The following EBF3 variants were observed in gnomAD, a reference collection of about 807,000 sequenced individuals.
The protein encoded by EBF3 is EBF transcription factor 3, also known as transcription factor COE3.
EBF3 carries 18 observed loss-of-function variants against 77.1 expected under a neutral mutation model. The ratio of observed to expected loss-of-function variants is 0.23; its 90% CI spans 0.16 to 0.35. EBF3 has a LOEUF of 0.35. EBF3 is among the 10% of genes least tolerant of loss of function. EBF3 has a pLI of 1.00. For synonymous variants in EBF3, 350 were observed against 343.5 expected (o/e 1.02, Z -0.21); for missense variants, 558 against 860.0 (o/e 0.65, Z 4.39).
At chr10:129,855,328 A>G (rs929954761) in intron 10 of EBF3, among the ~76,000 whole-genome samples, 6 of 152,226 alleles carry the variant, frequency 3.9e-5, no homozygotes, top group Admixed American at 3.9e-4. Context: ...CAGGCACAGA[A>G]AAGGGGACAG....
At chr10:129,881,748 C>T (rs76026726) in intron 6 of EBF3, among the ~76,000 whole-genome samples, 1,649 of 152,258 alleles carry the variant, frequency 0.011, 22 homozygotes, top group Admixed American at 0.018. Context: ...GGGGCACAGT[C>T]GGGCCCTGTG....
At chr10:129,868,202 T>C (rs1398919940) in intron 8 of EBF3, among the ~76,000 whole-genome samples, 3 of 152,264 alleles carry the variant, frequency 2.0e-5, no homozygotes, top group Non-Finnish European at 4.4e-5. Flanking sequence ...TGATTAAGCA[T>C]TGCATGCATG....
intron 6 of EBF3, among the ~76,000 whole-genome samples, chr10:129,925,264 T>G: frequency 9.2e-5 from 13 of 140,548 alleles, no homozygotes; most frequent in Admixed American, 2.2e-4. Context: ...AGGGTGGGGG[T>G]GCAAGGAGAA....
In EBF3 at chr10:129,885,088, A is replaced by G. The variant is rs550793261; in HGVS notation, c.555-7239T>C. Reference sequence around the variant, plus strand: ...CGTCCCTCCAAAGAGCCTTATCGCTAAATTTCTGCTATAATGGTTTTTCTT... The same window carrying G: ...CGTCCCTCCAAAGAGCCTTATCGCTGAATTTCTGCTATAATGGTTTTTCTT... On this transcript the variant is annotated intron_variant, in intron 6 of 16. Coordinates refer to ENST00000440978, the MANE Select transcript of EBF3 (RefSeq NM_001375380.1). The surrounding 1 kb of genome is among the most constrained non-coding windows in gnomAD (Gnocchi z 4.0). 6.6e-6 allele frequency among the ~76,000 whole-genome samples: 1 copy of G among 152,324 alleles called. No individual in the cohort carries two copies. The highest frequency in any genetic ancestry group is 2.4e-5 in the African/African-American group (1 of 41,568).
intron 6 of EBF3, among the ~76,000 whole-genome samples, chr10:129,956,756 A>T (rs1236730049): frequency 6.6e-6 from 1 of 152,198 alleles, no homozygotes; most frequent in Non-Finnish European, 1.5e-5. Context: ...TTGCTACTTG[A>T]CATAAAACGA....
chr10:129,842,364 C>T lies in EBF3; in HGVS notation c.1195-71G>A, dbSNP rs1055962991. The T allele has an allele frequency of 2.9e-5, 43 of 1,505,742 alleles. No homozygotes were observed. Among genetic ancestry groups the T allele is most frequent in the Non-Finnish European group, 3.7e-5 (42 of 1,128,972 alleles). The allele number at this position is 1,505,742 out of a possible 1,614,324, so 93.3% of individuals were successfully genotyped here. A position where few individuals can be genotyped will look rare whatever the true frequency, so the allele number is the denominator to read the frequency against. ...CCCAGCTGGCCGCACTCTCGGGGGC[C>T]CACCATGGTGGCATCCCACTGTCCC... On this transcript the variant is annotated intron_variant, in intron 12 of 16. Coordinates refer to ENST00000440978, the MANE Select transcript of EBF3 (RefSeq NM_001375380.1). This position sits in a 1 kb window ranked among gnomAD's most constrained non-coding sequence, Gnocchi z 4.4.
intron 6 of EBF3, among the ~76,000 whole-genome samples, chr10:129,945,120 TGAAGGGAGGGGCAGGGA>T: frequency 1.1e-4 from 1 of 9,442 alleles, no homozygotes; most frequent in South Asian, 8.3e-3. Flanking sequence ...GGGGGGGAGG[TGAAGGGAGGGGCAGGGA>T]GGGGAGGGGA....
chr10:129,889,052 C>T (rs1258823068), intron 6 of EBF3, among the ~76,000 whole-genome samples: 1 of 152,198 alleles, frequency 6.6e-6, no homozygotes, highest in Non-Finnish European at 1.5e-5. Flanking sequence ...GTGCAACTTT[C>T]CAAGAGCTCA....
intron 6 of EBF3, among the ~76,000 whole-genome samples, chr10:129,951,915 A>G (rs945796975): frequency 1.3e-5 from 2 of 152,246 alleles, no homozygotes; most frequent in African/African-American, 4.8e-5. Flanking sequence ...GGAAAAATTG[A>G]AAGGATGAAT....
intron 10 of EBF3, among the ~76,000 whole-genome samples, chr10:129,862,713 T>C (rs960918078): frequency 3.3e-5 from 5 of 152,252 alleles, no homozygotes; most frequent in Non-Finnish European, 5.9e-5. Flanking sequence ...CTTGAAAACA[T>C]GTCTATGAAA....
rs1850028301 is a variant in EBF3 at position 129,841,217 on chromosome 10, C to T, written c.1373-185G>A. Among the ~76,000 whole-genome samples the T allele has an allele frequency of 6.6e-6, 1 of 152,176 alleles. No individual in the cohort carries two copies. Among genetic ancestry groups the T allele is most frequent in the African/African-American group, 2.4e-5 (1 of 41,426 alleles). On this transcript the variant is annotated intron_variant, in intron 13 of 16. Coordinates refer to ENST00000440978, the MANE Select transcript of EBF3 (RefSeq NM_001375380.1). The surrounding 1 kb of genome is among the most constrained non-coding windows in gnomAD (Gnocchi z 4.6). ...GCCAACCCTGCTGCCACTGTCTCAC[C>T]GTGAGCCCCATCCTGTCTCTGCTGG...
chr10:129,881,582 C>T (rs908241468), intron 6 of EBF3, among the ~76,000 whole-genome samples: 2 of 152,156 alleles, frequency 1.3e-5, no homozygotes, highest in South Asian at 4.1e-4. Flanking sequence ...GATCTTATTA[C>T]TTTTGAAATG....
Position 129,963,245 on chromosome 10 carries a change from G to A in EBF3, c.291+122C>T. 13 of 1,379,556 alleles carry A rather than the reference G, an allele frequency of 9.4e-6. No individual in the cohort carries two copies. The highest frequency in any genetic ancestry group is 1.5e-5 in the South Asian group (1 of 65,862). The allele number at this position is 1,379,556 out of a possible 1,614,324, so 85.5% of individuals were successfully genotyped here. On this transcript the variant is annotated intron_variant, in intron 2 of 16. Coordinates refer to ENST00000440978, the MANE Select transcript of EBF3 (RefSeq NM_001375380.1). This position sits in a 1 kb window ranked among gnomAD's most constrained non-coding sequence, Gnocchi z 7.1. ...GTCCCGGGCGGCCGCACGTGGCGGCGGCGGGGTGGCCTGGCGGAGCCGAGC... is the reference window on the plus strand; with the variant it reads ...GTCCCGGGCGGCCGCACGTGGCGGCAGCGGGGTGGCCTGGCGGAGCCGAGC...
intron 4 of EBF3, among the ~76,000 whole-genome samples, chr10:129,959,565 C>A (rs1023015023): frequency 1.3e-5 from 2 of 152,040 alleles, no homozygotes; most frequent in Non-Finnish European, 2.9e-5. Context: ...CGCGCTCCCC[C>A]GGCTCTAGCA....
chr10:129,948,387 C>G (rs1310583534), intron 6 of EBF3, among the ~76,000 whole-genome samples: 1 of 151,786 alleles, frequency 6.6e-6, no homozygotes, highest in African/African-American at 2.4e-5. Context: ...TCCAGGGGTG[C>G]CAGGGGTTCA....
intron 6 of EBF3, among the ~76,000 whole-genome samples, chr10:129,889,641 T>G (rs1311719604): frequency 6.6e-6 from 1 of 152,182 alleles, no homozygotes; most frequent in Non-Finnish European, 1.5e-5. Flanking sequence ...TGCAGGGGAA[T>G]CTTCCGTTCA....
Position 129,837,662 on chromosome 10 carries a change from G to T in EBF3, c.*281C>A. 1.9e-5 allele frequency: 8 copies of T among 422,250 alleles called. No individual in the cohort carries two copies. Among genetic ancestry groups the T allele is most frequent in the Non-Finnish European group, 2.5e-5 (6 of 238,046 alleles). The allele number at this position is 422,250 out of a possible 1,614,324, so 26.2% of individuals were successfully genotyped here. On this transcript the variant is annotated 3_prime_UTR_variant, in exon 17 of 17. Transcript: ENST00000440978. ...CTTTATACAAAATAGGCGTCGCTTT[G>T]TTTTCCTTATTCTTCAGGACTGAGA...
chr10:129,871,522 G>A (rs188010075), intron 8 of EBF3, among the ~76,000 whole-genome samples: 1 of 152,124 alleles, frequency 6.6e-6, no homozygotes, highest in African/African-American at 2.4e-5. Context: ...GTTTTGGGGG[G>A]CACTTTCCTT....
intron 6 of EBF3, among the ~76,000 whole-genome samples, chr10:129,900,578 G>A (rs948786286): frequency 1.3e-5 from 2 of 152,194 alleles, no homozygotes; most frequent in East Asian, 3.9e-4. Context: ...CTGACCTCCT[G>A]GACTCACTGC....
Sources: gnomAD v4.1 joint callset for allele counts (sites outside exome capture counted in the v4.1 genomes callset) on GRCh38, gnomAD v4.1.1 for gene constraint, Gnocchi (gnomAD v3.1) non-coding constraint, MANE v1.5 for transcripts, NCBI Gene and HGNC (gene_info 2026-07-23, HGNC 2026-07-21) for gene names.